Variants in CNOT10 observed in about 807,000 individuals in gnomAD.
CNOT10 encodes CCR4-NOT transcription complex subunit 10.
Under a neutral mutation model 94.6 loss-of-function variants are expected in CNOT10, and 30 were observed. The ratio of observed to expected loss-of-function variants is 0.32; its 90% CI spans 0.24 to 0.43. The LOEUF is 0.43. Among genes scored for constraint, CNOT10 ranks in the 20% least tolerant of loss-of-function variants. CNOT10 has a pLI of 1.00. For synonymous variants in CNOT10, 289 were observed against 301.6 expected, an observed-to-expected ratio of 0.96 and a Z score of 0.43; for missense variants, 759 against 877.2, an observed-to-expected ratio of 0.87 and a Z score of 1.70.
chr3:32,764,226 A>T, intron 15 of CNOT10: 1 of 487,644 alleles, frequency 2.1e-6, no homozygotes, highest in Non-Finnish European at 3.6e-6. Context: ...AATCCCAGCT[A>T]CTCAGGAGGC....
intron 13 of CNOT10, among the ~76,000 whole-genome samples, chr3:32,744,820 T>C (rs1699624126): frequency 6.6e-6 from 1 of 152,156 alleles, no homozygotes; most frequent in African/African-American, 2.4e-5. Context: ...CATAAAATGG[T>C]GTAGTAATTG....
chr3:32,755,319 CTTTTTT>C (rs777391696), intron 13 of CNOT10, among the ~76,000 whole-genome samples: 4 of 131,186 alleles, frequency 3.0e-5, no homozygotes, highest in Admixed American at 7.6e-5. Flanking sequence ...TTTTCTTTTT[CTTTTTT>C]TTTTTTTTTT....
rs1367315581 is a variant in CNOT10, at chr3:32,760,287, T to G, written c.1709+716T>G. 2.0e-5 allele frequency among the ~76,000 whole-genome samples: 3 copies of G among 152,222 alleles called. No homozygotes were observed. The East Asian group carries it at 5.8e-4, about 29-fold the overall frequency. On this transcript the variant is annotated intron_variant, in intron 14 of 18. Coordinates refer to ENST00000328834, the MANE Select transcript of CNOT10 (RefSeq NM_015442.3). ...TGCAAATACTTCTTCATTAATATCA[T>G]TGTCATTCTAAAATTTTCCAAAGCA...
Position 32,773,806 on chromosome 3 carries a change from A to G in CNOT10, c.*195A>G, listed in dbSNP as rs777556421. ...ATCATCAGCTGTTTTTCTTAATTTC[A>G]GCCAGACTATTAATTTTGAGCCATT... On this transcript the variant is annotated 3_prime_UTR_variant, in exon 19 of 19. Transcript: ENST00000328834. The G allele has an allele frequency of 7.7e-6, 4 of 520,332 alleles. No homozygotes were observed. The highest frequency in any genetic ancestry group is 3.8e-5 in the Admixed American group (1 of 26,532). The allele number at this position is 520,332 out of a possible 1,614,324, so 32.2% of individuals were successfully genotyped here.
intron 9 of CNOT10, among the ~76,000 whole-genome samples, chr3:32,726,869 C>T (rs1280023377): frequency 2.9e-5 from 3 of 104,538 alleles, no homozygotes; most frequent in East Asian, 3.1e-4. Context: ...TTTCCTGAGA[C>T]GAAGTCTCAC....
chr3:32,762,866 T>C lies in CNOT10; in HGVS notation c.1840+3T>C. ...CTCTTCAAATGAGCAGGACCAAGGT[T>C]AATGAGGACATCTTTGATCAGAACT... On this transcript the variant is annotated splice_donor_region_variant and intron_variant, in intron 15 of 18. Coordinates refer to ENST00000328834, the MANE Select transcript of CNOT10 (RefSeq NM_015442.3). 6.5e-7 allele frequency: 1 copy of C among 1,534,028 alleles called. No homozygotes were observed. The highest frequency in any genetic ancestry group is 2.5e-5 in the East Asian group (1 of 39,934).
intron 3 of CNOT10, among the ~76,000 whole-genome samples, chr3:32,708,304 G>A (rs549870597): frequency 2.0e-5 from 3 of 152,270 alleles, no homozygotes; most frequent in Middle Eastern, 6.8e-3. Context: ...TTTGTTGCAC[G>A]CCTGGTGTAG....
chr3:32,762,928 G>A, intron 15 of CNOT10, 65 bp downstream of exon 15: 1 of 1,435,102 alleles, frequency 7.0e-7, no homozygotes, highest in Non-Finnish European at 9.1e-7. Context: ...CATAATTCAG[G>A]ATGTGTGGAA....
At chr3:32,770,465 A>G (rs1440693017) in intron 18 of CNOT10, among the ~76,000 whole-genome samples, 1 of 149,902 alleles carries the variant, frequency 6.7e-6, no homozygotes, top group African/African-American at 2.5e-5. Flanking sequence ...AGCTAGGACT[A>G]CAGGCGCCCG....
chr3:32,749,240 T>C (rs1170966846), intron 13 of CNOT10, among the ~76,000 whole-genome samples: 1 of 152,178 alleles, frequency 6.6e-6, no homozygotes, highest in Non-Finnish European at 1.5e-5. Flanking sequence ...ATAAACGTTT[T>C]TCATTTTGAT....
intron 8 of CNOT10, among the ~76,000 whole-genome samples, chr3:32,721,682 C>T (rs1263354526): frequency 1.3e-5 from 2 of 148,418 alleles, no homozygotes; most frequent in African/African-American, 2.5e-5. Context: ...TGTCTCCCTC[C>T]GTCGCCCAGG....
chr3:32,756,106 T>C (rs1700216218), intron 13 of CNOT10, among the ~76,000 whole-genome samples: 1 of 152,102 alleles, frequency 6.6e-6, no homozygotes, highest in Non-Finnish European at 1.5e-5. Flanking sequence ...AGTGCGGTGT[T>C]TTCTAAGAGG....
intron 3 of CNOT10, among the ~76,000 whole-genome samples, 195 bp downstream of exon 3, chr3:32,705,167 G>T (rs924366561): frequency 1.3e-5 from 2 of 151,704 alleles, no homozygotes; most frequent in Non-Finnish European, 2.9e-5. Context: ...TTTTTAATTG[G>T]GGTTTTAATG....
At chr3:32,695,656 G>A (rs1697014910) in intron 1 of CNOT10, 2 of 1,535,998 alleles carry the variant, frequency 1.3e-6, no homozygotes, top group Non-Finnish European at 1.7e-6. Context: ...GACTGTCAAG[G>A]TTTGTGGGTC....
intron 4 of CNOT10, among the ~76,000 whole-genome samples, chr3:32,710,486 A>G (rs1364077887): frequency 6.6e-6 from 1 of 152,132 alleles, no homozygotes; most frequent in Non-Finnish European, 1.5e-5. Context: ...TTGATACATC[A>G]TAATCATCCA....
At chr3:32,708,952 T>C (rs1697749250) in intron 4 of CNOT10, 132 bp downstream of exon 4, 1 of 654,582 alleles carries the variant, frequency 1.5e-6, no homozygotes, top group Non-Finnish European at 2.4e-6. Flanking sequence ...TCAGCTTTGC[T>C]TAATGGTTAG....
In CNOT10 at chr3:32,727,889, TC is replaced by T; in HGVS notation, c.1215+20del. 1 of 1,597,892 alleles carries T rather than the reference TC, an allele frequency of 6.3e-7. No homozygotes were observed. ...TAAGGGGGTGAGTGCTACTTGGGTA[TC>T]TTTTTAAACCCTGTCTTCTCCCCAC... On this transcript the variant is annotated intron_variant, in intron 10 of 18. Coordinates refer to ENST00000328834, the MANE Select transcript of CNOT10 (RefSeq NM_015442.3).
chr3:32,705,283 GA>G (rs899386166), intron 3 of CNOT10, among the ~76,000 whole-genome samples: 4 of 152,036 alleles, frequency 2.6e-5, no homozygotes, highest in African/African-American at 4.8e-5. Context: ...TGTTTATAAT[GA>G]AAAAAATATG....
intron 13 of CNOT10, among the ~76,000 whole-genome samples, chr3:32,738,908 C>CTTTTTTTTTTTTT (rs767544887): frequency 7.3e-6 from 1 of 137,388 alleles, no homozygotes. Flanking sequence ...TATTTTCTTT[C>CTTTTTTTTTTTTT]TTTTTTTTTT....
Sources: gnomAD v4.1 joint callset for allele counts (sites outside exome capture counted in the v4.1 genomes callset) on GRCh38, gnomAD v4.1.1 for gene constraint, MANE v1.5 for transcripts, NCBI Gene and HGNC (gene_info 2026-07-23, HGNC 2026-07-21) for gene names.